TEX11: variants seen among roughly 807,000 people sequenced by gnomAD.
The protein encoded by TEX11 is testis expressed 11, also known as testis-expressed protein 11.
In TEX11, 7 loss-of-function variants were observed where a neutral mutation model predicts 84.4. The ratio of observed to expected loss-of-function variants is 0.08; its 90% confidence interval spans 0.05 to 0.16. The LOEUF is 0.16. Ranked by LOEUF, TEX11 falls within the 10% of genes least tolerant of loss-of-function variation. The pLI is 1.00. For synonymous variants in TEX11, 264 were observed against 222.8 expected (o/e 1.18, Z -1.64); for missense variants, 551 against 660.5 (o/e 0.83, Z 1.82).
chrX:70,843,019 A>G (rs1482486405), intron 7 of TEX11, among the ~76,000 whole-genome samples: 1 of 112,154 alleles, frequency 8.9e-6, no homozygotes, highest in Non-Finnish European at 1.9e-5. Context: ...GCTCATGGGT[A>G]GAAAGAATCA....
intron 13 of TEX11, among the ~76,000 whole-genome samples, chrX:70,710,822 T>A (rs929122407): frequency 1.8e-5 from 2 of 111,283 alleles, no homozygotes; most frequent in Non-Finnish European, 3.8e-5. Context: ...AGTTTTAGGG[T>A]ACATGTGCAC....
chrX:70,752,524 C>CAAAAAA (rs753939405), intron 9 of TEX11, among the ~76,000 whole-genome samples: 14 of 27,972 alleles, frequency 5.0e-4, no homozygotes, highest in East Asian at 1.1e-3. Context: ...TACTCTGTCT[C>CAAAAAA]AAAAAAAAAA....
intron 5 of TEX11, among the ~76,000 whole-genome samples, chrX:70,856,407 A>G (rs1390373798): frequency 9.0e-6 from 1 of 110,816 alleles, no homozygotes; most frequent in Admixed American, 9.7e-5. Flanking sequence ...TATATTTTGA[A>G]ATATAAAAAT....
intron 2 of TEX11, among the ~76,000 whole-genome samples, chrX:70,898,865 A>G (rs930955672): frequency 9.0e-6 from 1 of 111,482 alleles, no homozygotes; most frequent in East Asian, 2.8e-4. Flanking sequence ...TCGGCCTCCC[A>G]AAGTGCTGGG....
At chrX:70,584,024 A>C (rs1430920963) in intron 25 of TEX11, among the ~76,000 whole-genome samples, 1 of 111,424 alleles carries the variant, frequency 9.0e-6, no homozygotes, top group Non-Finnish European at 1.9e-5. Flanking sequence ...TCACGCCTGT[A>C]ATCCCAGCAC....
chrX:70,567,166 T>A (rs2088498605), intron 25 of TEX11, among the ~76,000 whole-genome samples: 1 of 111,326 alleles, frequency 9.0e-6, no homozygotes, highest in African/African-American at 3.3e-5. Flanking sequence ...TATCCATTTC[T>A]TCTAGATTTT....
chrX:70,790,686 C>T (rs975765767), intron 9 of TEX11, among the ~76,000 whole-genome samples: 1 of 111,815 alleles, frequency 8.9e-6, no homozygotes, highest in East Asian at 2.8e-4. Context: ...GCCCCTCTGT[C>T]GGCAACACCT....
chrX:70,722,668 C>T lies in TEX11; in HGVS notation c.954G>A (p.Met318Ile). 8.3e-7 allele frequency: 1 copy of T among 1,203,124 alleles called. No individual in the cohort carries two copies. The highest frequency in any genetic ancestry group is 3.0e-5 in the East Asian group (1 of 33,718). Reference sequence around the variant, plus strand: ...CAATGTTCAGACAGAAGTCTAAGGGCATGTCAAGATGTAGTATTTCCATGA... The same window carrying T: ...CAATGTTCAGACAGAAGTCTAAGGGTATGTCAAGATGTAGTATTTCCATGA... ...EAVMEILHLD[M>I]PLDFCLNIAK... The change falls in exon 13 of 30, where the codon ATG becomes ATA. Residue 318 changes from methionine to isoleucine, a missense_variant. Transcript: ENST00000374333.
At chrX:70,851,317 A>G (rs1465088938) in intron 7 of TEX11, among the ~76,000 whole-genome samples, 1 of 112,148 alleles carries the variant, frequency 8.9e-6, no homozygotes, top group Non-Finnish European at 1.9e-5. Flanking sequence ...GATTTTTGAC[A>G]AAGGTGCTAA....
At chrX:70,812,953 T>G (rs934066585) in intron 8 of TEX11, among the ~76,000 whole-genome samples, 15 of 111,287 alleles carry the variant, frequency 1.3e-4, no homozygotes, top group Admixed American at 1.1e-3. Flanking sequence ...AGGCAATAAT[T>G]AATAGCCTAC....
chrX:70,817,218 T>G (rs1342772058), intron 8 of TEX11, among the ~76,000 whole-genome samples: 1 of 92,509 alleles, frequency 1.1e-5, no homozygotes, highest in Non-Finnish European at 2.1e-5. Flanking sequence ...CATATTTATA[T>G]ACACATACAC....
intron 11 of TEX11, among the ~76,000 whole-genome samples, chrX:70,733,150 T>C (rs1030414549): frequency 1.8e-5 from 2 of 111,764 alleles, no homozygotes; most frequent in African/African-American, 6.5e-5. Flanking sequence ...CTAAAATTAA[T>C]TGAAGATGGA....
chrX:70,771,140 G>GA (rs1482766396), intron 9 of TEX11, among the ~76,000 whole-genome samples: 2 of 112,321 alleles, frequency 1.8e-5, no homozygotes, highest in African/African-American at 3.2e-5. Context: ...GAAGGATGCT[G>GA]AAAAAACTAT....
intron 16 of TEX11, among the ~76,000 whole-genome samples, chrX:70,659,141 G>A (rs1435291210): frequency 9.0e-6 from 1 of 111,691 alleles, no homozygotes; most frequent in Non-Finnish European, 1.9e-5. Flanking sequence ...TCATGACATC[G>A]GATTTGCAAA....
chrX:70,755,220 C>T (rs1459929726), intron 9 of TEX11, among the ~76,000 whole-genome samples: 1 of 111,865 alleles, frequency 8.9e-6, no homozygotes, highest in Non-Finnish European at 1.9e-5. Flanking sequence ...CGAAGAAATT[C>T]AAGATAACAC....
the TEX11 span, among the ~76,000 whole-genome samples, chrX:70,514,796 G>A: frequency 1.8e-5 from 2 of 110,338 alleles, no homozygotes; most frequent in East Asian, 2.9e-4. Context: ...GGCCAGGCAC[G>A]GTGGCTCACA....
intron 11 of TEX11, among the ~76,000 whole-genome samples, chrX:70,731,214 AT>A (rs2090647164): frequency 1.8e-5 from 2 of 111,883 alleles, no homozygotes; most frequent in African/African-American, 3.2e-5. Context: ...AAGATCCAAA[AT>A]TGACACCCTA....
chrX:70,788,775 T>A (rs898913459), intron 9 of TEX11, among the ~76,000 whole-genome samples: 1 of 102,538 alleles, frequency 9.8e-6, no homozygotes, highest in South Asian at 4.7e-4. Flanking sequence ...TTTCTTGGAT[T>A]TGACCACAAA....
chrX:70,830,381 G>A (rs1189470704), intron 8 of TEX11, among the ~76,000 whole-genome samples: 1 of 111,537 alleles, frequency 9.0e-6, no homozygotes, highest in Non-Finnish European at 1.9e-5. Flanking sequence ...AATTATTAGA[G>A]GGAAAGAGAG....
Sources: allele counts gnomAD v4.1 joint callset (sites outside exome capture counted in the v4.1 genomes callset), GRCh38; gene constraint gnomAD v4.1.1; transcripts MANE v1.5; gene names NCBI Gene and HGNC (gene_info 2026-07-23, HGNC 2026-07-21).